RABGAP1L: variants seen among roughly 807,000 people sequenced by gnomAD.
RABGAP1L encodes RAB GTPase activating protein 1 like.
A neutral mutation model predicts 137.7 loss-of-function variants in RABGAP1L; 63 were observed. The ratio of observed to expected loss-of-function variants is 0.46; its 90% CI spans 0.37 to 0.56. The LOEUF (loss-of-function observed/expected upper bound fraction) is 0.56, where lower values mean the gene tolerates loss of function less well. RABGAP1L is among the 20% of genes least tolerant of loss of function. The pLI, the probability that RABGAP1L is intolerant of heterozygous loss-of-function variation, is 0.00. For missense variants in RABGAP1L, 1,095 were observed against 1,244.0 expected, an observed-to-expected ratio of 0.88 and a Z score of 1.80; for synonymous variants, 431 against 433.7, an observed-to-expected ratio of 0.99 and a Z score of 0.08.
intron 13 of RABGAP1L, among the ~76,000 whole-genome samples, chr1:174,498,371 T>A (rs1660934522): frequency 6.6e-6 from 1 of 152,228 alleles, no homozygotes; most frequent in Non-Finnish European, 1.5e-5. Flanking sequence ...AAATTGGTTT[T>A]ACAAGCTTCA....
chr1:174,625,954 A>G (rs1459214615), intron 13 of RABGAP1L, among the ~76,000 whole-genome samples: 1 of 152,246 alleles, frequency 6.6e-6, no homozygotes, highest in African/African-American at 2.4e-5. Context: ...AAAGAGTTCA[A>G]AGAGCTGTTT....
chr1:174,614,683 G>C (rs746344510), intron 13 of RABGAP1L, among the ~76,000 whole-genome samples: 8 of 152,230 alleles, frequency 5.3e-5, no homozygotes, highest in Middle Eastern at 6.8e-3. Context: ...TTTCCAACTT[G>C]GTTCCATTCT....
intron 17 of RABGAP1L, among the ~76,000 whole-genome samples, chr1:174,711,091 C>G (rs1680457269): frequency 6.6e-6 from 1 of 152,164 alleles, no homozygotes; most frequent in African/African-American, 2.4e-5. Flanking sequence ...GTGCTAAGCC[C>G]CTCACTGTCT....
chr1:174,635,861 A>T (rs1043595776), intron 13 of RABGAP1L, among the ~76,000 whole-genome samples: 1 of 152,114 alleles, frequency 6.6e-6, no homozygotes, highest in African/African-American at 2.4e-5. Flanking sequence ...CTAATCAACC[A>T]CCCCCTTCTT....
At position 174,740,456 on chromosome 1, in the gene RABGAP1L, T is replaced by A. The variant is rs560461555; in HGVS notation, c.2170-11857T>A. 1.6e-3 allele frequency among the ~76,000 whole-genome samples: 237 copies of A among 152,254 alleles called. 1 individual carries two copies. The highest frequency in any genetic ancestry group is 2.4e-3 in the Non-Finnish European group (164 of 68,018). On this transcript the variant is annotated intron_variant, in intron 17 of 25. Coordinates refer to ENST00000681986, the MANE Select transcript of RABGAP1L (RefSeq NM_001366446.1). The stretch of plus-strand genomic sequence containing the variant: ...TGCATAGCATTTCCTGGTGTGTCAG[T>A]CTCGGTACAGCCTCTTGCTCAATTC...
At position 174,635,042 on chromosome 1, in the gene RABGAP1L, A is replaced by G. The variant is rs192346578; in HGVS notation, c.1711-2333A>G. On this transcript the variant is annotated intron_variant, in intron 13 of 25. Coordinates refer to ENST00000681986, the MANE Select transcript of RABGAP1L (RefSeq NM_001366446.1). ...AAAACTTAAAGTATAATAAAAAATA[A>G]AATAATAATAAAATAAAAAAATAAA... 1.2e-3 allele frequency among the ~76,000 whole-genome samples: 188 copies of G among 151,516 alleles called. 1 individual carries two copies. The highest frequency in any genetic ancestry group is 4.5e-3 in the African/African-American group (186 of 41,456).
In RABGAP1L at chr1:174,219,115, G is replaced by GT; in HGVS notation, c.-33-5dup. On this transcript the variant is annotated splice_polypyrimidine_tract_variant and intron_variant, in intron 1 of 25. Transcript: ENST00000681986. ...TAGGTTTTTTTTTTTAATCCCTTTT[G>GT]TTTTTCCAGGTGGTTGTGGGAAGAG... 6.6e-7 allele frequency: 1 copy of GT among 1,514,458 alleles called. No homozygotes were observed. The highest frequency in any genetic ancestry group is 8.9e-7 in the Non-Finnish European group (1 of 1,125,190). 93.8% of individuals were successfully genotyped at this position (1,514,458 alleles called of 1,614,324 possible).
chr1:174,785,263 T>C (rs1223494391), intron 18 of RABGAP1L, among the ~76,000 whole-genome samples: 2 of 152,046 alleles, frequency 1.3e-5, no homozygotes, highest in African/African-American at 4.8e-5. Context: ...AGGGTTTCAC[T>C]GTGTTGGCCA....
chr1:174,956,094 T>G (rs904982206), intron 19 of RABGAP1L, among the ~76,000 whole-genome samples: 10 of 152,230 alleles, frequency 6.6e-5, no homozygotes, highest in African/African-American at 2.2e-4. Flanking sequence ...AGGCATTGTT[T>G]TAGATACCTC....
intron 19 of RABGAP1L, among the ~76,000 whole-genome samples, chr1:174,941,051 C>A (rs1665779098): frequency 6.9e-6 from 1 of 145,034 alleles, no homozygotes; most frequent in African/African-American, 2.8e-5. Flanking sequence ...TTAGCACATT[C>A]AGTAGGCCCA....
intron 5 of RABGAP1L, among the ~76,000 whole-genome samples, chr1:174,242,200 G>C (rs972557651): frequency 6.6e-6 from 1 of 152,172 alleles, no homozygotes; most frequent in African/African-American, 2.4e-5. Flanking sequence ...CTTAAAGCAG[G>C]TATAACAACT....
At chr1:174,307,503 A>G (rs540087742) in intron 11 of RABGAP1L, among the ~76,000 whole-genome samples, 1 of 152,026 alleles carries the variant, frequency 6.6e-6, no homozygotes, top group Non-Finnish European at 1.5e-5. Flanking sequence ...TCTGCTTTCT[A>G]TCTCTATGGC....
intron 13 of RABGAP1L, among the ~76,000 whole-genome samples, chr1:174,561,606 C>G (rs1015212529): frequency 2.0e-5 from 3 of 152,178 alleles, no homozygotes; most frequent in Non-Finnish European, 4.4e-5. Flanking sequence ...TTACTTCAAA[C>G]TATACTACAA....
At chr1:174,797,553 AGGAGGGTGT>A (rs1467112913) in intron 18 of RABGAP1L, among the ~76,000 whole-genome samples, 2 of 36,540 alleles carry the variant, frequency 5.5e-5, no homozygotes, top group South Asian at 8.6e-4. Context: ...GGGTGTGTGC[AGGAGGGTGT>A]GGGGGGTGTG....
chr1:174,216,231 GTA>G (rs1457378695), intron 1 of RABGAP1L, among the ~76,000 whole-genome samples: 1 of 152,094 alleles, frequency 6.6e-6, no homozygotes, highest in Non-Finnish European at 1.5e-5. Flanking sequence ...ATAAAACCTA[GTA>G]TCTGCTAGCA....
chr1:174,843,026 T>C (rs956808236), intron 19 of RABGAP1L, among the ~76,000 whole-genome samples: 5 of 152,158 alleles, frequency 3.3e-5, no homozygotes, highest in African/African-American at 7.2e-5. Flanking sequence ...AATTACTTTT[T>C]ATAACTGTAA....
chr1:174,324,074 C>T (rs1287602345), intron 11 of RABGAP1L, among the ~76,000 whole-genome samples: 1 of 152,094 alleles, frequency 6.6e-6, no homozygotes, highest in Admixed American at 6.6e-5. Context: ...TATCCAGAAA[C>T]ATCAACTGCT....
intron 21 of RABGAP1L, among the ~76,000 whole-genome samples, chr1:174,972,619 G>A (rs1044469154): frequency 8.5e-5 from 13 of 152,108 alleles, no homozygotes; most frequent in East Asian, 5.8e-4. Context: ...TTGGGAGGCC[G>A]AGGCAGGTGG....
chr1:174,477,636 A>T (rs1313418073), intron 13 of RABGAP1L, among the ~76,000 whole-genome samples: 1 of 152,216 alleles, frequency 6.6e-6, no homozygotes, highest in African/African-American at 2.4e-5. Context: ...CAGCATTGTC[A>T]TAAGCTGTGA....
Sources: gnomAD v4.1 joint callset for allele counts (sites outside exome capture counted in the v4.1 genomes callset) on GRCh38, gnomAD v4.1.1 for gene constraint, MANE v1.5 for transcripts, NCBI Gene and HGNC (gene_info 2026-07-23, HGNC 2026-07-21) for gene names.